MMP16: variants seen among roughly 807,000 people sequenced by gnomAD.
MMP16 encodes the protein matrix metalloproteinase-16.
A neutral mutation model predicts 67.8 loss-of-function variants in MMP16; 12 were observed. That is an observed-to-expected ratio of 0.18 (90% CI 0.11 to 0.29). The LOEUF (loss-of-function observed/expected upper bound fraction) is 0.29, where lower values mean the gene tolerates loss of function less well. Among genes scored for constraint, MMP16 ranks in the 10% least tolerant of loss-of-function variants. The pLI, the probability that MMP16 is intolerant of heterozygous loss-of-function variation, is 1.00. For missense variants in MMP16, 475 were observed against 765.7 expected, an observed-to-expected ratio of 0.62 and a Z score of 4.48; for synonymous variants, 249 against 255.9, an observed-to-expected ratio of 0.97 and a Z score of 0.26.
rs909313016 is a variant in MMP16 at position 88,106,108 on chromosome 8, T to C, written c.1083+10399A>G. 4.7e-5 allele frequency among the ~76,000 whole-genome samples: 7 copies of C among 150,450 alleles called. No individual in the cohort carries two copies. In the Admixed American group the frequency reaches 4.7e-4, roughly 10 times the overall value. On this transcript the variant is annotated intron_variant, in intron 6 of 9. Transcript: ENST00000286614. ...AGTTACAGATTAAAATCACCTAAAT[T>C]GTAGATTTCACTTTCTCTCCTACCT...
chr8:88,260,331 A>G (rs1220270312), intron 1 of MMP16, among the ~76,000 whole-genome samples: 1 of 152,142 alleles, frequency 6.6e-6, no homozygotes, highest in Non-Finnish European at 1.5e-5. Flanking sequence ...TTACAAAATC[A>G]AAGAAAGAAA....
At chr8:88,184,837 T>G (rs920771685) in intron 3 of MMP16, among the ~76,000 whole-genome samples, 1 of 148,566 alleles carries the variant, frequency 6.7e-6, no homozygotes, top group Non-Finnish European at 1.5e-5. Context: ...CTAATTTCAC[T>G]TATAGAAAAA....
intron 1 of MMP16, among the ~76,000 whole-genome samples, chr8:88,263,018 C>T (rs1055733915): frequency 5.2e-5 from 7 of 135,762 alleles, no homozygotes; most frequent in Non-Finnish European, 7.7e-5. Flanking sequence ...AGCAAGACTC[C>T]GTCTCAAATA....
chr8:88,108,817 G>GT (rs1413476037), intron 6 of MMP16, among the ~76,000 whole-genome samples: 7 of 151,332 alleles, frequency 4.6e-5, no homozygotes, highest in Admixed American at 2.0e-4. Flanking sequence ...CCAATATTAA[G>GT]TTTTTTCCAT....
intron 1 of MMP16, among the ~76,000 whole-genome samples, chr8:88,234,078 T>G (rs2129880384): frequency 6.6e-6 from 1 of 152,342 alleles, no homozygotes. Flanking sequence ...TAAATCAGTG[T>G]TTCATTAAGT....
At chr8:88,112,837 G>A (rs1235892441) in intron 6 of MMP16, among the ~76,000 whole-genome samples, 3 of 151,762 alleles carry the variant, frequency 2.0e-5, no homozygotes, top group Non-Finnish European at 4.4e-5. Context: ...TACGCTGAAA[G>A]TCCTATTATA....
At chr8:88,316,956 A>C (rs1021150668) in intron 1 of MMP16, among the ~76,000 whole-genome samples, 6 of 152,210 alleles carry the variant, frequency 3.9e-5, no homozygotes, top group Admixed American at 3.3e-4. Flanking sequence ...TGAGGGAATT[A>C]GAAGTGGAAC....
At chr8:88,317,748 G>A (rs1344362224) in intron 1 of MMP16, among the ~76,000 whole-genome samples, 1 of 152,102 alleles carries the variant, frequency 6.6e-6, no homozygotes, top group Non-Finnish European at 1.5e-5. Context: ...TTATGTGAGT[G>A]CTGAAAGCTA....
intron 1 of MMP16, among the ~76,000 whole-genome samples, chr8:88,212,368 A>G (rs2129821391): frequency 6.6e-6 from 1 of 152,296 alleles, no homozygotes; most frequent in Admixed American, 6.5e-5. Context: ...TGTGGTGAGA[A>G]TTCAATAAAA....
intron 7 of MMP16, among the ~76,000 whole-genome samples, chr8:88,071,720 A>T (rs1351958304): frequency 6.6e-6 from 1 of 152,124 alleles, no homozygotes; most frequent in Non-Finnish European, 1.5e-5. Flanking sequence ...ATCTTTATTG[A>T]GTGTTTACTA....
intron 7 of MMP16, chr8:88,069,638 G>C: frequency 2.5e-6 from 1 of 402,922 alleles, no homozygotes; most frequent in East Asian, 8.1e-5. Context: ...TTAATTCATT[G>C]TTCCTTTCTT....
chr8:88,072,404 G>A (rs940339578), intron 7 of MMP16, among the ~76,000 whole-genome samples: 3 of 152,194 alleles, frequency 2.0e-5, no homozygotes, highest in African/African-American at 4.8e-5. Flanking sequence ...TTTATTGAGC[G>A]GGAGAGCTAC....
At chr8:88,323,453 C>T (rs923040059) in intron 1 of MMP16, among the ~76,000 whole-genome samples, 2 of 152,094 alleles carry the variant, frequency 1.3e-5, no homozygotes, top group African/African-American at 2.4e-5. Flanking sequence ...ATAAAAGACC[C>T]CTTTGAAATC....
At position 88,074,626 on chromosome 8, in the gene MMP16, C is replaced by T. The variant is rs755055835; in HGVS notation, c.1201G>A (p.Gly401Arg). Residue 401 changes from glycine to arginine, a missense_variant, in exon 7 of 10, where the codon GGG becomes AGG. This residue lies in a region of MMP16 where 195 missense variants were observed against 300.9 expected (regional missense o/e 0.65). Transcript: ENST00000286614. ...SIDAVYENSD[G>R]NFVFFKGNKY... The stretch of plus-strand genomic sequence containing the variant: ...TTACCTTTAAAGAACACAAAATTCC[C>T]GTCGCTATTTTCATAAACTGCATCG... 1.1e-5 allele frequency: 18 copies of T among 1,612,930 alleles called. No homozygotes were observed. Among genetic ancestry groups the T allele is most frequent in the East Asian group, 6.7e-5 (3 of 44,770 alleles).
chr8:88,169,521 G>A (rs1808766251), intron 3 of MMP16, among the ~76,000 whole-genome samples: 1 of 152,044 alleles, frequency 6.6e-6, no homozygotes, highest in Non-Finnish European at 1.5e-5. Flanking sequence ...AAACTCTTTT[G>A]CCTTAAATTC....
intron 7 of MMP16, among the ~76,000 whole-genome samples, chr8:88,060,697 T>C (rs1172529404): frequency 6.6e-6 from 1 of 152,078 alleles, no homozygotes; most frequent in Non-Finnish European, 1.5e-5. Flanking sequence ...ACATTGTACC[T>C]TGATGAATCA....
At chr8:88,280,667 G>A (rs1447404229) in intron 1 of MMP16, among the ~76,000 whole-genome samples, 1 of 152,152 alleles carries the variant, frequency 6.6e-6, no homozygotes, top group Non-Finnish European at 1.5e-5. Context: ...AAGGTGAGAG[G>A]ATCACTTGAG....
At chr8:88,144,720 C>A (rs187936201) in intron 4 of MMP16, among the ~76,000 whole-genome samples, 2 of 151,956 alleles carry the variant, frequency 1.3e-5, no homozygotes, top group African/African-American at 4.8e-5. Context: ...TTTTTCAACT[C>A]TGAAATTGAA....
At chr8:88,111,252 T>C (rs936089185) in intron 6 of MMP16, among the ~76,000 whole-genome samples, 3 of 151,710 alleles carry the variant, frequency 2.0e-5, no homozygotes, top group Non-Finnish European at 4.4e-5. Flanking sequence ...CCAAAATATA[T>C]ATAATCCATA....
Sources: gnomAD v4.1 joint callset for allele counts (sites outside exome capture counted in the v4.1 genomes callset) on GRCh38, gnomAD v4.1.1 for gene constraint, gnomAD v4.1.1 regional missense constraint, MANE v1.5 for transcripts, NCBI Gene and HGNC (gene_info 2026-07-23, HGNC 2026-07-21) for gene names.